Variants in MPRIP observed in about 807,000 individuals in gnomAD.
The protein encoded by MPRIP is myosin phosphatase Rho-interacting protein.
A neutral mutation model predicts 234.9 loss-of-function variants in MPRIP; 59 were observed. The observed-to-expected ratio is 0.25, with a 90% CI of 0.20 to 0.31. MPRIP has a LOEUF of 0.31. MPRIP is among the 10% of genes least tolerant of loss of function. The pLI, the probability that MPRIP is intolerant of heterozygous loss-of-function variation, is 1.00. For missense variants in MPRIP, 2,436 were observed against 3,071.0 expected, an observed-to-expected ratio of 0.79 and a Z score of 4.89; for synonymous variants, 1,144 against 1,263.9, an observed-to-expected ratio of 0.91 and a Z score of 2.01.
chr17:17,184,978 TTTA>T lies in MPRIP; in HGVS notation c.*102_*104del, dbSNP rs140443601. 2,167 of 842,326 alleles carry T rather than the reference TTTA, an allele frequency of 2.6e-3. No individual in the cohort carries two copies. Among genetic ancestry groups the T allele is most frequent in the East Asian group, 3.2e-3 (125 of 38,502 alleles). The allele number at this position is 842,326 out of a possible 1,614,324, so 52.2% of individuals were successfully genotyped here. Reference sequence around the variant, plus strand: ...CGCTGCTTTTCACCTGTACCTTTGTTTTATTATTATTATTATTATTGCTGTTGT... The same window carrying T: ...CGCTGCTTTTCACCTGTACCTTTGTTTTATTATTATTATTATTGCTGTTGT... On this transcript the variant is annotated 3_prime_UTR_variant, in exon 24 of 24. Transcript: ENST00000651222.
Position 17,167,053 on chromosome 17 carries a change from G to A in MPRIP, c.5462G>A (p.Ser1821Asn), listed in dbSNP as rs2046015513. Residue 1821 changes from serine to asparagine, a missense_variant, in exon 16 of 24, where the codon AGT becomes AAT. Physicochemically the swap from Ser to Asn is conservative, Grantham distance 46. This residue lies in a region of MPRIP where 1,998 missense variants were observed against 2,520.3 expected (regional missense o/e 0.79). Coordinates refer to ENST00000651222, the MANE Select transcript of MPRIP (RefSeq NM_001364716.4). This position sits in a 1 kb window ranked among gnomAD's most constrained non-coding sequence, Gnocchi z 5.9. ...CAGAAGCTTCTCCAGGTGTCCCAGA[G>A]TCTCTCGTATAACACTTGTTTGGGA... ...DCQKLLQVSQ[S>N]LSYNTCLGGL... 2.3e-6 allele frequency: 3 copies of A among 1,304,208 alleles called. No homozygotes were observed. The highest frequency in any genetic ancestry group is 2.3e-5 in the Admixed American group (1 of 43,552). 80.8% of individuals were successfully genotyped at this position (1,304,208 alleles called of 1,614,324 possible). A position where few individuals can be genotyped will look rare whatever the true frequency, so the allele number is the denominator to read the frequency against.
At chr17:17,144,833 C>T (rs1177797354) in intron 9 of MPRIP, among the ~76,000 whole-genome samples, 2 of 152,188 alleles carry the variant, frequency 1.3e-5, no homozygotes, top group South Asian at 2.1e-4. Flanking sequence ...TCCGGCCTGG[C>T]GACAGAGCGA....
At chr17:17,082,593 T>G (rs2144088222) in intron 3 of MPRIP, among the ~76,000 whole-genome samples, 1 of 152,176 alleles carries the variant, frequency 6.6e-6, no homozygotes, top group East Asian at 1.9e-4. Context: ...CCGTGCCCGG[T>G]CTGTTCGAAT....
intron 4 of MPRIP, among the ~76,000 whole-genome samples, chr17:17,127,560 T>TGTAC (rs2090517306): frequency 6.6e-6 from 1 of 152,224 alleles, no homozygotes; most frequent in Admixed American, 6.5e-5. Context: ...GCCTGGGCCA[T>TGTAC]GGTGAAAAGC....
chr17:17,075,628 G>C, intron 1 of MPRIP, 82 bp from the exon 2 acceptor site: 1 of 1,182,744 alleles, frequency 8.5e-7, no homozygotes, highest in East Asian at 2.3e-5. Context: ...TCTGTTTCCA[G>C]CGAGTGCTTG....
intron 5 of MPRIP, among the ~76,000 whole-genome samples, chr17:17,132,520 T>TG (rs1291801494): frequency 6.6e-6 from 1 of 152,130 alleles, no homozygotes; most frequent in African/African-American, 2.4e-5. Context: ...AGGGTGGGGA[T>TG]GGGGGTCCCT....
intron 1 of MPRIP, among the ~76,000 whole-genome samples, chr17:17,070,837 T>A (rs2089175427): frequency 1.3e-5 from 2 of 152,242 alleles, no homozygotes. Context: ...GTTTTTGTAT[T>A]CTGTTGGGTG....
chr17:17,167,353 C>G lies in MPRIP; in HGVS notation c.5762C>G (p.Ala1921Gly), dbSNP rs112772837. 3.8e-6 allele frequency: 5 copies of G among 1,304,194 alleles called. No individual in the cohort carries two copies. In the African/African-American group the frequency reaches 6.1e-5, roughly 16 times the overall value. The allele number at this position is 1,304,194 out of a possible 1,614,324, so 80.8% of individuals were successfully genotyped here. ...AATGCAGAGCTCAAGGCCAAGGCCG[C>G]CCAGCTAGACCATCAGCAGCAGTGT... ...RENAELKAKA[A>G]QLDHQQQCLE... The change falls in exon 16 of 24, where the codon GCC (alanine) becomes GGC (glycine). Residue 1921 changes from alanine to glycine, a missense_variant. By Grantham distance (60) the Ala-to-Gly change is moderately conservative (BLOSUM62 0). Around this residue, in one of 4 missense-constraint regions of MPRIP, gnomAD observed 1,998 missense variants for 2,520.3 expected, o/e 0.79. Coordinates refer to ENST00000651222, the MANE Select transcript of MPRIP (RefSeq NM_001364716.4). The surrounding 1 kb of genome is among the most constrained non-coding windows in gnomAD (Gnocchi z 5.9).
At position 17,164,912 on chromosome 17, in the gene MPRIP, G is replaced by A. The variant is rs1240900901; in HGVS notation, c.3321G>A (p.Arg1107=). Residue 1107 remains arginine (R), a synonymous_variant, in exon 16 of 24, where the codon CGG becomes CGA. Transcript: ENST00000651222. ...ACGTGCAGAGCCTCTGTGACGAGCG[G>A]GACCTCCTCAGACAGCGGTTCCAGG... ...AEHVQSLCDE[R]DLLRQRFQEL... 3 of 1,303,854 alleles carry A rather than the reference G, an allele frequency of 2.3e-6. No homozygotes were observed. The highest frequency in any genetic ancestry group is 2.3e-5 in the Admixed American group (1 of 43,572). 80.8% of individuals were successfully genotyped at this position (1,303,854 alleles called of 1,614,324 possible).
At chr17:17,136,167 C>T (rs2090691061) in intron 5 of MPRIP, 52 bp from the exon 6 acceptor site, 1 of 1,608,136 alleles carries the variant, frequency 6.2e-7, no homozygotes, top group Non-Finnish European at 8.5e-7. Context: ...TGTGACCCAA[C>T]CTGAGCTGTG....
At position 17,078,159 on chromosome 17, in the gene MPRIP, G is replaced by A. The variant is rs1429672015; in HGVS notation, c.267+83G>A. ...AGTGCCCTTGCGTTGTCATGTGAGA[G>A]CACAGCAGCCATGTGCTCCTGCTTG... is the stretch of plus-strand genomic sequence containing the variant. On this transcript the variant is annotated intron_variant, in intron 3 of 23. Coordinates refer to ENST00000651222, the MANE Select transcript of MPRIP (RefSeq NM_001364716.4). The surrounding 1 kb of genome is among the most constrained non-coding windows in gnomAD (Gnocchi z 4.3). 4.3e-6 allele frequency: 6 copies of A among 1,405,142 alleles called. No individual in the cohort carries two copies. Among genetic ancestry groups the A allele is most frequent in the Non-Finnish European group, 6.0e-6 (6 of 994,584 alleles). The allele number at this position is 1,405,142 out of a possible 1,614,324, so 87.0% of individuals were successfully genotyped here. A position where few individuals can be genotyped will look rare whatever the true frequency, so the allele number is the denominator to read the frequency against.
chr17:17,150,881 C>T (rs958694486), intron 12 of MPRIP, among the ~76,000 whole-genome samples: 2 of 151,990 alleles, frequency 1.3e-5, no homozygotes, highest in African/African-American at 4.8e-5. Context: ...GGGTCTCACT[C>T]TCTGTCCAGG....
At chr17:17,102,336 C>CT (rs1567715799) in intron 3 of MPRIP, among the ~76,000 whole-genome samples, 1 of 152,218 alleles carries the variant, frequency 6.6e-6, no homozygotes, top group African/African-American at 2.4e-5. Context: ...GCCTTGTACT[C>CT]TATGTTGTGC....
chr17:17,113,467 C>T (rs2144302341), intron 3 of MPRIP, among the ~76,000 whole-genome samples: 2 of 152,310 alleles, frequency 1.3e-5, no homozygotes, highest in African/African-American at 4.8e-5. Flanking sequence ...ATAGCACATA[C>T]CAGAATTTCT....
rs571158471 is a variant in MPRIP, at chr17:17,171,700, C to A, written c.6325-18C>A. 5.0e-5 allele frequency: 81 copies of A among 1,604,372 alleles called. 1 individual carries two copies. In the South Asian group the frequency reaches 8.4e-4, roughly 17 times the overall value. On this transcript the variant is annotated intron_variant, in intron 16 of 23. Coordinates refer to ENST00000651222, the MANE Select transcript of MPRIP (RefSeq NM_001364716.4). Reference sequence around the variant, plus strand: ...AGGTAAAGAAAGAAGTCGATGAAGTCCCTTTTGCATTTTGCAGGCCACGTG... The same window carrying A: ...AGGTAAAGAAAGAAGTCGATGAAGTACCTTTTGCATTTTGCAGGCCACGTG...
At chr17:17,123,703 CA>C (rs371753802) in intron 3 of MPRIP, among the ~76,000 whole-genome samples, 5,939 of 59,238 alleles carry the variant, frequency 0.1, 114 homozygotes, top group East Asian at 0.21. Context: ...GACTTCGTCT[CA>C]AAAAAAAAAA....
In MPRIP at chr17:17,068,220, G is replaced by A. The variant is rs144750839; in HGVS notation, c.124-7490G>A. On this transcript the variant is annotated intron_variant, in intron 1 of 23. Transcript: ENST00000651222. ...GGCTGGAATGCAGTGGAGCGATCTC[G>A]GCTCACTGCAACCTCTGCCTCCCAG... is the stretch of plus-strand genomic sequence containing the variant. 6.2e-3 allele frequency among the ~76,000 whole-genome samples: 939 copies of A among 151,938 alleles called. 9 individuals are homozygous for A. The highest frequency in any genetic ancestry group is 0.022 in the African/African-American group (896 of 41,446).
At chr17:17,048,035 C>T (rs1049034578) in intron 1 of MPRIP, among the ~76,000 whole-genome samples, 41 of 152,182 alleles carry the variant, frequency 2.7e-4, no homozygotes, top group African/African-American at 8.9e-4. Context: ...TCTACATCCG[C>T]GTGTTGATCT....
chr17:17,052,515 G>A (rs1185266358), intron 1 of MPRIP, among the ~76,000 whole-genome samples: 2 of 152,078 alleles, frequency 1.3e-5, no homozygotes, highest in Non-Finnish European at 2.9e-5. Context: ...GAGGTTCAGC[G>A]ACCTGCCTAG....
Sources: gnomAD v4.1 joint callset for allele counts (sites outside exome capture counted in the v4.1 genomes callset) on GRCh38, gnomAD v4.1.1 for gene constraint, gnomAD v4.1.1 regional missense constraint, Gnocchi (gnomAD v3.1) non-coding constraint, MANE v1.5 for transcripts, NCBI Gene and HGNC (gene_info 2026-07-23, HGNC 2026-07-21) for gene names.